TMEM232: variants seen among roughly 807,000 people sequenced by gnomAD.
TMEM232 encodes the protein transmembrane protein 232.
A neutral mutation model predicts 78.8 loss-of-function variants in TMEM232; 80 were observed. The observed-to-expected ratio is 1.01, with a 90% CI of 0.85 to 1.22. TMEM232 has a LOEUF of 1.22. TMEM232 is among the 50% of genes most tolerant of loss of function. The probability of loss-of-function intolerance (pLI) is 0.00; values close to 1 mark genes in which losing one functional copy is unlikely to be tolerated. For synonymous variants in TMEM232, 297 were observed against 254.3 expected, an observed-to-expected ratio of 1.17 and a Z score of -1.60; for missense variants, 881 against 742.2, an observed-to-expected ratio of 1.19 and a Z score of -2.17.
At chr5:110,450,632 C>T (rs1159033711) in intron 12 of TMEM232, among the ~76,000 whole-genome samples, 1 of 152,110 alleles carries the variant, frequency 6.6e-6, no homozygotes, top group Non-Finnish European at 1.5e-5. Flanking sequence ...AGGTGTCAGG[C>T]AGATTCTAAT....
chr5:110,422,284 G>C (rs1000724523), intron 13 of TMEM232, among the ~76,000 whole-genome samples: 4 of 151,986 alleles, frequency 2.6e-5, no homozygotes, highest in Non-Finnish European at 5.9e-5. Context: ...GGGAGGCTGA[G>C]GCGGGCGGAT....
chr5:110,492,264 A>C (rs973284858), intron 12 of TMEM232, among the ~76,000 whole-genome samples: 2 of 151,896 alleles, frequency 1.3e-5, no homozygotes, highest in African/African-American at 4.8e-5. Context: ...TATTAACAGA[A>C]AGGAAAATTA....
intron 5 of TMEM232, among the ~76,000 whole-genome samples, chr5:110,633,161 A>G (rs1184331208): frequency 6.6e-6 from 1 of 152,322 alleles, no homozygotes; most frequent in Admixed American, 6.5e-5. Context: ...TGAAGAAGAA[A>G]TAAGGTCTTT....
Position 110,605,314 on chromosome 5 carries a change from T to A in TMEM232, c.1071A>T (p.Val357=). ...KVDDFSWAWN[V]VYIYTVILAE... ...CAAGAATTACTGTATATATGTAGAC[T>A]ACATTCCAGGCCCAGGAAAAATCAT... Residue 357 remains valine, a synonymous_variant, in exon 10 of 14, where the codon GTA becomes GTT. Coordinates refer to ENST00000455884, the MANE Select transcript of TMEM232 (RefSeq NM_001039763.4). 1.3e-6 allele frequency: 2 copies of A among 1,549,458 alleles called. No individual in the cohort carries two copies. Among genetic ancestry groups the A allele is most frequent in the Non-Finnish European group, 1.7e-6 (2 of 1,145,938 alleles).
At chr5:110,579,135 T>C (rs991893498) in intron 10 of TMEM232, among the ~76,000 whole-genome samples, 13 of 151,518 alleles carry the variant, frequency 8.6e-5, no homozygotes, top group Non-Finnish European at 1.5e-4. Flanking sequence ...GGGATGATTG[T>C]AAGACTACCC....
In TMEM232 at chr5:110,605,231, A is replaced by C; in HGVS notation, c.1154T>G (p.Phe385Cys). 1.3e-6 allele frequency: 2 copies of C among 1,551,216 alleles called. No homozygotes were observed. The change falls in exon 10 of 14, where the codon TTC (phenylalanine) becomes TGC (cysteine). Residue 385 changes from phenylalanine to cysteine, a missense_variant. Transcript: ENST00000455884. ...SDLRKTALIG[F>C]CHCKSSQKNI... Reference sequence around the variant, plus strand: ...TTTTTGTGAACTTTTACAGTGACAGAAACCAATTAAAGCAGTTTTTCGCAA... The same window carrying C: ...TTTTTGTGAACTTTTACAGTGACAGCAACCAATTAAAGCAGTTTTTCGCAA...
At chr5:110,486,082 C>A (rs1158336788) in intron 12 of TMEM232, among the ~76,000 whole-genome samples, 2 of 151,786 alleles carry the variant, frequency 1.3e-5, no homozygotes, top group South Asian at 2.1e-4. Flanking sequence ...AGATGTTGAG[C>A]ATTTTTTTCA....
chr5:110,652,265 C>T (rs907395121), intron 2 of TMEM232, among the ~76,000 whole-genome samples: 1 of 143,324 alleles, frequency 7.0e-6, no homozygotes, highest in Non-Finnish European at 1.5e-5. Context: ...CCACAGACAA[C>T]CCCCAAGCAC....
At position 110,513,710 on chromosome 5, in the gene TMEM232, G is replaced by T. The variant is rs1768145390; in HGVS notation, c.1703+14878C>A. ...AAAGATAAGTGTTGATGGGGATATG[G>T]AGAAAAGGGAATGCTTATACATTAT... On this transcript the variant is annotated intron_variant, in intron 12 of 13. Transcript: ENST00000455884. 16 of 160,300 alleles carry T rather than the reference G, an allele frequency of 1.0e-4. 1 individual carries two copies. 9.9% of individuals were successfully genotyped at this position (160,300 alleles called of 1,614,324 possible). A position where few individuals can be genotyped will look rare whatever the true frequency, so the allele number is the denominator to read the frequency against.
At chr5:110,491,606 A>G (rs1223514101) in intron 12 of TMEM232, among the ~76,000 whole-genome samples, 2 of 152,076 alleles carry the variant, frequency 1.3e-5, no homozygotes, top group African/African-American at 4.8e-5. Context: ...GTTTTAATAT[A>G]CTAAAAAAGT....
chr5:110,671,294 T>C (rs1791320643), intron 1 of TMEM232, among the ~76,000 whole-genome samples: 1 of 152,148 alleles, frequency 6.6e-6, no homozygotes, highest in Admixed American at 6.6e-5. Context: ...CTTTTACCCG[T>C]TGGTGGGAGT....
At chr5:110,725,226 A>C (rs1386262031) in intron 1 of TMEM232, among the ~76,000 whole-genome samples, 1 of 152,224 alleles carries the variant, frequency 6.6e-6, no homozygotes, top group Non-Finnish European at 1.5e-5. Context: ...GGATTAGACA[A>C]AAATAAGTAG....
chr5:110,429,088 G>T (rs1418164874), intron 12 of TMEM232, among the ~76,000 whole-genome samples: 1 of 151,738 alleles, frequency 6.6e-6, no homozygotes, highest in African/African-American at 2.4e-5. Flanking sequence ...AAAATAATAA[G>T]AAGAAAAAGC....
intron 12 of TMEM232, among the ~76,000 whole-genome samples, chr5:110,431,706 C>G (rs186498198): frequency 1.3e-5 from 2 of 151,632 alleles, no homozygotes; most frequent in Non-Finnish European, 3.0e-5. Context: ...TCACATATTA[C>G]TTATAGAATT....
In TMEM232 at chr5:110,435,515, A is replaced by G. The variant is rs114794989; in HGVS notation, c.1704-10599T>C. Among the ~76,000 whole-genome samples the G allele has an allele frequency of 8.2e-3, 1,245 of 151,846 alleles. 21 individuals are homozygous for G. The highest frequency in any genetic ancestry group is 0.029 in the African/African-American group (1,189 of 41,478). On this transcript the variant is annotated intron_variant, in intron 12 of 13. Coordinates refer to ENST00000455884, the MANE Select transcript of TMEM232 (RefSeq NM_001039763.4). Reference sequence around the variant, plus strand: ...GTAGAATTAAATAATTATTGAGTATATATCTCCTATTGTGCTATCAAGTAC... The same window carrying G: ...GTAGAATTAAATAATTATTGAGTATGTATCTCCTATTGTGCTATCAAGTAC...
intron 12 of TMEM232, among the ~76,000 whole-genome samples, chr5:110,485,601 T>C (rs1158403993): frequency 1.3e-5 from 2 of 152,150 alleles, no homozygotes; most frequent in Non-Finnish European, 2.9e-5. Context: ...AGAATAATAG[T>C]CTCCAATCTT....
intron 12 of TMEM232, among the ~76,000 whole-genome samples, chr5:110,464,820 G>T (rs911099447): frequency 6.6e-6 from 1 of 152,114 alleles, no homozygotes; most frequent in African/African-American, 2.4e-5. Flanking sequence ...ATCAATCTAT[G>T]TATCTATCTG....
chr5:110,528,774 A>T lies in TMEM232; in HGVS notation c.1517T>A (p.Val506Glu), dbSNP rs370181499. The T allele has an allele frequency of 1.5e-5, 23 of 1,533,528 alleles. No homozygotes were observed. The African/African-American group carries it at 3.0e-4, about 20-fold the overall frequency. 95.0% of individuals were successfully genotyped at this position (1,533,528 alleles called of 1,614,324 possible). A position where few individuals can be genotyped will look rare whatever the true frequency, so the allele number is the denominator to read the frequency against. Residue 506 changes from valine (V) to glutamate (E), a missense_variant, in exon 12 of 14, where the codon GTA (valine) becomes GAA (glutamate). Val to Glu is a moderately radical substitution (Grantham distance 121). Coordinates refer to ENST00000455884, the MANE Select transcript of TMEM232 (RefSeq NM_001039763.4). ...TRYSTNISSN[V>E]GEEVFSKYIG... is the part of the protein sequence containing the mutation. Reference sequence around the variant, plus strand: ...ATATTTGGAGAAAACTTCTTCTCCTACATTTGATGAAATATTTGTACTATA... The same window carrying T: ...ATATTTGGAGAAAACTTCTTCTCCTTCATTTGATGAAATATTTGTACTATA...
intron 10 of TMEM232, among the ~76,000 whole-genome samples, chr5:110,587,681 A>ATT (rs1778989482): frequency 9.5e-6 from 1 of 105,640 alleles, no homozygotes; most frequent in Non-Finnish European, 1.8e-5. Flanking sequence ...ATATATATAT[A>ATT]TATATATATA....
Sources: allele counts gnomAD v4.1 joint callset (sites outside exome capture counted in the v4.1 genomes callset), GRCh38; gene constraint gnomAD v4.1.1; transcripts MANE v1.5; gene names NCBI Gene and HGNC (gene_info 2026-07-23, HGNC 2026-07-21).